The following FAM227B variants were observed in gnomAD, a reference collection of about 807,000 sequenced individuals.
FAM227B encodes the protein protein FAM227B.
Under a neutral mutation model 73.8 loss-of-function variants are expected in FAM227B, and 88 were observed. The observed-to-expected ratio is 1.19, with a 90% CI of 1.00 to 1.42. The LOEUF (loss-of-function observed/expected upper bound fraction) is 1.42, where lower values mean the gene tolerates loss of function less well. Among genes scored for constraint, FAM227B ranks in the 40% most tolerant of loss-of-function variants. The probability of loss-of-function intolerance (pLI) is 0.00; values close to 1 mark genes in which losing one functional copy is unlikely to be tolerated. For missense variants in FAM227B, 632 were observed against 590.9 expected (o/e 1.07, Z -0.72); for synonymous variants, 210 against 190.5 (o/e 1.10, Z -0.84).
intron 11 of FAM227B, among the ~76,000 whole-genome samples, chr15:49,480,040 T>C (rs146974501): frequency 0.011 from 1,632 of 152,310 alleles, 33 homozygotes; most frequent in African/African-American, 0.034. Flanking sequence ...AAAAGAGGGT[T>C]GTAGGACATG....
intron 4 of FAM227B, among the ~76,000 whole-genome samples, chr15:49,589,128 A>G (rs2076371982): frequency 6.6e-6 from 1 of 152,152 alleles, no homozygotes; most frequent in Non-Finnish European, 1.5e-5. Flanking sequence ...AGAAGTAAAA[A>G]TTATCATTAC....
intron 11 of FAM227B, chr15:49,423,561 A>G (rs2049872579): frequency 6.6e-6 from 1 of 152,174 alleles, no homozygotes; most frequent in Non-Finnish European, 1.5e-5. Context: ...CCATGTAACT[A>G]TAGTAATTAT....
At chr15:49,590,489 G>A (rs1436711399) in intron 3 of FAM227B, among the ~76,000 whole-genome samples, 1 of 152,104 alleles carries the variant, frequency 6.6e-6, no homozygotes, top group Non-Finnish European at 1.5e-5. Flanking sequence ...TGTGGGGAAG[G>A]GAAGGGGGAA....
At chr15:49,429,056 T>C (rs2050367650) in intron 11 of FAM227B, among the ~76,000 whole-genome samples, 1 of 152,040 alleles carries the variant, frequency 6.6e-6, no homozygotes, top group Non-Finnish European at 1.5e-5. Context: ...CCTCTGAATA[T>C]GGAGATGGTA....
At chr15:49,508,913 T>A (rs1221123624) in intron 10 of FAM227B, among the ~76,000 whole-genome samples, 1 of 152,078 alleles carries the variant, frequency 6.6e-6, no homozygotes, top group Non-Finnish European at 1.5e-5. Flanking sequence ...ATAAAGATGG[T>A]TTATTACTCA....
At chr15:49,439,853 C>A (rs1431588408) in intron 11 of FAM227B, among the ~76,000 whole-genome samples, 1 of 151,718 alleles carries the variant, frequency 6.6e-6, no homozygotes, top group Non-Finnish European at 1.5e-5. Flanking sequence ...CAACTCCACT[C>A]TGGAATTACA....
At chr15:49,593,123 C>T (rs1470949295) in intron 3 of FAM227B, among the ~76,000 whole-genome samples, 1 of 152,150 alleles carries the variant, frequency 6.6e-6, no homozygotes, top group Non-Finnish European at 1.5e-5. Flanking sequence ...AGGGAAATTC[C>T]CTGACCCCTT....
chr15:49,400,422 T>A lies in FAM227B; in HGVS notation c.1013-29023A>T, dbSNP rs1168858499. On this transcript the variant is annotated intron_variant, in intron 11 of 15. Coordinates refer to ENST00000299338, the MANE Select transcript of FAM227B (RefSeq NM_152647.3). ...ATCAATATCGTGAAAATGGCCATAC[T>A]GCCCAAGGTAATTTACAGATTCAAT... is the stretch of plus-strand genomic sequence containing the variant. Among the ~76,000 whole-genome samples, 23 of 107,500 alleles carry A rather than the reference T, an allele frequency of 2.1e-4. 1 individual carries two copies. The highest frequency in any genetic ancestry group is 5.7e-4 in the African/African-American group (12 of 21,136). 70.5% of individuals were successfully genotyped at this position (107,500 alleles called of 152,430 possible).
intron 11 of FAM227B, among the ~76,000 whole-genome samples, chr15:49,457,261 T>G (rs1370389622): frequency 6.6e-6 from 1 of 151,872 alleles, no homozygotes; most frequent in Non-Finnish European, 1.5e-5. Context: ...ACTATAATAT[T>G]CCAAATGCGG....
intron 9 of FAM227B, among the ~76,000 whole-genome samples, chr15:49,552,275 T>G (rs2073122749): frequency 6.6e-6 from 1 of 152,234 alleles, no homozygotes; most frequent in Non-Finnish European, 1.5e-5. Flanking sequence ...GTAAATGTTT[T>G]TGTTCCTTCA....
intron 1 of FAM227B, among the ~76,000 whole-genome samples, chr15:49,616,469 A>G (rs2078294868): frequency 6.6e-6 from 1 of 151,996 alleles, no homozygotes; most frequent in South Asian, 2.1e-4. Context: ...AGCATTTTGC[A>G]GATGTGAAAA....
chr15:49,364,516 A>C (rs1398534618), intron 13 of FAM227B, among the ~76,000 whole-genome samples: 4 of 151,994 alleles, frequency 2.6e-5, no homozygotes, highest in Non-Finnish European at 5.9e-5. Flanking sequence ...CAGCTGAAAA[A>C]ATGTTCTTAA....
intron 9 of FAM227B, among the ~76,000 whole-genome samples, chr15:49,554,304 T>C (rs1163366793): frequency 6.6e-6 from 1 of 152,200 alleles, no homozygotes; most frequent in Non-Finnish European, 1.5e-5. Flanking sequence ...CTGCCCCTAC[T>C]GATGTGTCAC....
intron 10 of FAM227B, among the ~76,000 whole-genome samples, chr15:49,532,762 T>G (rs926236638): frequency 6.6e-6 from 1 of 151,940 alleles, no homozygotes; most frequent in African/African-American, 2.4e-5. Context: ...AAGAAAATGA[T>G]GTGATTTTTC....
At chr15:49,616,362 A>G (rs1214752505) in intron 1 of FAM227B, among the ~76,000 whole-genome samples, 1 of 152,218 alleles carries the variant, frequency 6.6e-6, no homozygotes, top group African/African-American at 2.4e-5. Context: ...CTATGAAATA[A>G]TAAACTTTGT....
intron 3 of FAM227B, among the ~76,000 whole-genome samples, chr15:49,605,242 C>T (rs1167535336): frequency 1.3e-5 from 2 of 152,116 alleles, no homozygotes; most frequent in Non-Finnish European, 2.9e-5. Context: ...TTGGAATTGT[C>T]AGGTAAGCTG....
At chr15:49,387,343 G>A (rs1010694726) in intron 11 of FAM227B, among the ~76,000 whole-genome samples, 1 of 151,650 alleles carries the variant, frequency 6.6e-6, no homozygotes, top group Non-Finnish European at 1.5e-5. Context: ...TTTAATATAC[G>A]CAAGTCAGTA....
At chr15:49,397,188 A>T (rs1211809388) in intron 11 of FAM227B, among the ~76,000 whole-genome samples, 6 of 152,216 alleles carry the variant, frequency 3.9e-5, no homozygotes, top group African/African-American at 2.4e-5. Context: ...GCTTGAGAAC[A>T]ACGTGAAGAA....
At chr15:49,337,344 T>G (rs966356861) in intron 13 of FAM227B, among the ~76,000 whole-genome samples, 1 of 152,090 alleles carries the variant, frequency 6.6e-6, no homozygotes, top group Non-Finnish European at 1.5e-5. Context: ...TGCAGCCCCA[T>G]CAGCATCTAT....
Sources: gnomAD v4.1 joint callset for allele counts (sites outside exome capture counted in the v4.1 genomes callset) on GRCh38, gnomAD v4.1.1 for gene constraint, MANE v1.5 for transcripts, NCBI Gene and HGNC (gene_info 2026-07-23, HGNC 2026-07-21) for gene names.